The following GYG2 variants were observed in gnomAD, a reference collection of about 807,000 sequenced individuals.
The protein encoded by GYG2 is glycogenin-2.
Under a neutral mutation model 29.4 loss-of-function variants are expected in GYG2, and 29 were observed. The ratio of observed to expected loss-of-function variants is 0.99; its 90% confidence interval spans 0.74 to 1.35. GYG2 has a LOEUF of 1.35. Among genes scored for constraint, GYG2 ranks in the 40% most tolerant of loss-of-function variants. The probability of loss-of-function intolerance (pLI) is 0.00; values close to 1 mark genes in which losing one functional copy is unlikely to be tolerated. For synonymous variants in GYG2, 167 were observed against 172.3 expected, an observed-to-expected ratio of 0.97 and a Z score of 0.24; for missense variants, 370 against 385.7, an observed-to-expected ratio of 0.96 and a Z score of 0.34.
intron 3 of GYG2, among the ~76,000 whole-genome samples, chrX:2,844,432 A>G (rs1220191098): frequency 2.7e-5 from 3 of 110,976 alleles, no homozygotes; most frequent in African/African-American, 9.8e-5. Flanking sequence ...CAGTGAAGAA[A>G]TTATCCAGTT....
chrX:2,860,942 C>A (rs961836334), intron 7 of GYG2, among the ~76,000 whole-genome samples: 1 of 109,803 alleles, frequency 9.1e-6, no homozygotes, highest in African/African-American at 3.3e-5. Flanking sequence ...GTTGGCCAGG[C>A]TGGTCTTGAA....
In GYG2 at chrX:2,881,134, G is replaced by T. The variant is rs1458213445; in HGVS notation, c.1334G>T (p.Trp445Leu). The T allele has an allele frequency of 1.7e-6, 2 of 1,207,788 alleles. No individual in the cohort carries two copies. The highest frequency in any genetic ancestry group is 1.8e-5 in the South Asian group (1 of 56,272). The change falls in exon 11 of 11, where the codon TGG becomes TTG. Residue 445 changes from tryptophan (W) to leucine (L), a missense_variant. By Grantham distance (61) the Trp-to-Leu change is moderately conservative (BLOSUM62 -2). Coordinates refer to ENST00000398806, the MANE Select transcript of GYG2 (RefSeq NM_001079855.2). ...ELSPEEERRKWEEGRIDYMGK... is the reference protein window; with the variant it reads ...ELSPEEERRKLEEGRIDYMGK... The stretch of plus-strand genomic sequence containing the variant: ...AGCCCCGAGGAAGAGAGGAGGAAGT[G>T]GGAGGAAGGCCGTATCGACTACATG...
chrX:2,861,721 A>G lies in GYG2; in HGVS notation c.1037A>G (p.Asp346Gly), dbSNP rs1048221087. The G allele has an allele frequency of 9.5e-6, 11 of 1,160,350 alleles. No individual in the cohort carries two copies. The African/African-American group carries it at 1.6e-4, about 17-fold the overall frequency. ...LSLPEGRRSE[D>G]MIACPETETP... is the part of the protein sequence containing the mutation. Reference sequence around the variant, plus strand: ...CTACCTGAAGGACGCCGTTCAGAAGATGTAAGTACCTGCATTCCTCACAGG... The same window carrying G: ...CTACCTGAAGGACGCCGTTCAGAAGGTGTAAGTACCTGCATTCCTCACAGG... Residue 346 changes from aspartate (D) to glycine (G), a missense_variant and splice_region_variant, in exon 8 of 11, where the codon GAT becomes GGT. Asp to Gly is a moderately conservative substitution (Grantham distance 94). Coordinates refer to ENST00000398806, the MANE Select transcript of GYG2 (RefSeq NM_001079855.2).
chrX:2,854,872 C>T, intron 4 of GYG2, 121 bp from the exon 5 acceptor site: 1 of 772,556 alleles, frequency 1.3e-6, no homozygotes, highest in Non-Finnish European at 1.9e-6. Context: ...GCGGAGGCCG[C>T]AGTGAGCCGA....
At position 2,856,442 on chromosome X, in the gene GYG2, T is replaced by G. The variant is rs377005664; in HGVS notation, c.488-56T>G. ...GAGCTTCAGGCACATCTCGCATTCT[T>G]GGAGTGAACCAAGCCATACTTTGCT... is the stretch of plus-strand genomic sequence containing the variant. On this transcript the variant is annotated intron_variant, in intron 5 of 10. Transcript: ENST00000398806. 7.6e-5 allele frequency: 88 copies of G among 1,155,779 alleles called. 1 individual carries two copies. In the African/African-American group the frequency reaches 1.2e-3, roughly 16 times the overall value.
intron 8 of GYG2, among the ~76,000 whole-genome samples, chrX:2,865,250 G>A (rs148417679): frequency 3.1e-4 from 34 of 111,002 alleles, no homozygotes; most frequent in African/African-American, 1.0e-3. Context: ...ACTCCAAAAG[G>A]GAAAACAGTC....
At chrX:2,833,607 G>A (rs1407057073) in intron 2 of GYG2, among the ~76,000 whole-genome samples, 1 of 110,363 alleles carries the variant, frequency 9.1e-6, no homozygotes, top group Admixed American at 9.7e-5. Context: ...TTGCCAGTTC[G>A]CATAGTTGTC....
intron 7 of GYG2, among the ~76,000 whole-genome samples, 194 bp from the exon 8 acceptor site, chrX:2,861,328 G>A (rs1354531046): frequency 1.8e-5 from 2 of 111,533 alleles, no homozygotes; most frequent in African/African-American, 6.5e-5. Flanking sequence ...ACTAAGTACT[G>A]GATTGCATAG....
chrX:2,840,342 C>A (rs778765662), intron 2 of GYG2, among the ~76,000 whole-genome samples: 4 of 111,507 alleles, frequency 3.6e-5, no homozygotes, highest in Non-Finnish European at 5.6e-5. Flanking sequence ...CAGCTCTGGG[C>A]TTTGCAGATG....
chrX:2,854,795 G>A (rs1204257618), intron 4 of GYG2, among the ~76,000 whole-genome samples, 198 bp from the exon 5 acceptor site: 1 of 111,671 alleles, frequency 9.0e-6, no homozygotes, highest in Non-Finnish European at 1.9e-5. Flanking sequence ...AGCCAGGCAT[G>A]GTAACAGGTG....
At chrX:2,851,403 C>T (rs1367808632) in intron 3 of GYG2, among the ~76,000 whole-genome samples, 1 of 111,156 alleles carries the variant, frequency 9.0e-6, no homozygotes, top group Non-Finnish European at 1.9e-5. Context: ...GCCACCGCAC[C>T]CGGCTAGTTT....
rs192196677 is a variant in GYG2 at position 2,870,498 on chromosome X, C to T, written c.1039-5312C>T. Among the ~76,000 whole-genome samples, 813 of 111,574 alleles carry T rather than the reference C, an allele frequency of 7.3e-3. 6 individuals carry two copies. Among genetic ancestry groups the T allele is most frequent in the African/African-American group, 0.022 (675 of 30,750 alleles). On this transcript the variant is annotated intron_variant, in intron 8 of 10. Coordinates refer to ENST00000398806, the MANE Select transcript of GYG2 (RefSeq NM_001079855.2). ...CATTACAGGCATGAGCCACCACGCC[C>T]GGCCTCTACTAACATTAGTAGAACC...
At chrX:2,841,918 A>G (rs1369830743) in intron 2 of GYG2, among the ~76,000 whole-genome samples, 1 of 112,142 alleles carries the variant, frequency 8.9e-6, no homozygotes, top group Non-Finnish European at 1.9e-5. Flanking sequence ...TTTAAAAGTC[A>G]TTACCAAAGT....
chrX:2,879,578 C>G (rs1379610524), intron 10 of GYG2, among the ~76,000 whole-genome samples: 2 of 112,325 alleles, frequency 1.8e-5, no homozygotes, highest in Non-Finnish European at 3.8e-5. Context: ...TATCTATTTT[C>G]TATCATCTAT....
chrX:2,878,117 C>T, intron 10 of GYG2: 1 of 745,571 alleles, frequency 1.3e-6, no homozygotes, highest in African/African-American at 2.3e-5. Flanking sequence ...ATCCCTTCAG[C>T]ATGTTCCATC....
At chrX:2,834,196 T>G (rs1265846679) in intron 2 of GYG2, among the ~76,000 whole-genome samples, 2 of 112,037 alleles carry the variant, frequency 1.8e-5, no homozygotes, top group African/African-American at 6.5e-5. Context: ...TTGGTTCAGT[T>G]TCTTATTGGA....
In GYG2 at chrX:2,844,588, A is replaced by G. The variant is rs771036894; in HGVS notation, c.149+1234A>G. On this transcript the variant is annotated intron_variant, in intron 3 of 10. Transcript: ENST00000398806. ...TGTGTATACGCACACGCATGCGTAT[A>G]TGTGTATACGCACACGCATGCGTAT... is the stretch of plus-strand genomic sequence containing the variant. 2.5e-3 allele frequency among the ~76,000 whole-genome samples: 164 copies of G among 64,547 alleles called. 8 individuals carry two copies. Among genetic ancestry groups the G allele is most frequent in the African/African-American group, 1.0e-2 (149 of 14,906 alleles). The allele number at this position is 64,547 out of a possible 115,157, so 56.1% of individuals were successfully genotyped here.
chrX:2,873,952 TG>T (rs767117034), intron 8 of GYG2, among the ~76,000 whole-genome samples: 20 of 110,681 alleles, frequency 1.8e-4, no homozygotes, highest in African/African-American at 5.9e-4. Flanking sequence ...AAAAATTAGC[TG>T]GGTTTGGTGA....
chrX:2,876,245 A>G (rs2088597771), intron 9 of GYG2, among the ~76,000 whole-genome samples: 1 of 110,298 alleles, frequency 9.1e-6, no homozygotes, highest in South Asian at 3.9e-4. Context: ...TCTATATAGC[A>G]TCTATGTCTC....
Sources: allele counts gnomAD v4.1 joint callset (sites outside exome capture counted in the v4.1 genomes callset), GRCh38; gene constraint gnomAD v4.1.1; transcripts MANE v1.5; gene names NCBI Gene and HGNC (gene_info 2026-07-23, HGNC 2026-07-21).